The following GRIK2 variants were observed in gnomAD, a reference collection of about 807,000 sequenced individuals.
GRIK2 encodes glutamate ionotropic receptor kainate type subunit 2.
GRIK2 carries 32 observed loss-of-function variants against 100.3 expected under a neutral mutation model. That is an observed-to-expected ratio of 0.32 (90% CI 0.24 to 0.43). The LOEUF (loss-of-function observed/expected upper bound fraction) is 0.43, where lower values mean the gene tolerates loss of function less well. Ranked by LOEUF, GRIK2 falls within the 20% of genes least tolerant of loss-of-function variation. The pLI is 1.00. For synonymous variants in GRIK2, 417 were observed against 389.4 expected, an observed-to-expected ratio of 1.07 and a Z score of -0.83; for missense variants, 843 against 1,114.9, an observed-to-expected ratio of 0.76 and a Z score of 3.47.
intron 15 of GRIK2, among the ~76,000 whole-genome samples, chr6:102,052,150 C>T (rs1212482161): frequency 6.6e-6 from 1 of 152,144 alleles, no homozygotes; most frequent in African/African-American, 2.4e-5. Context: ...CATTTGACTT[C>T]AGCTGGCATA....
At chr6:101,924,264 C>T (rs1339982264) in intron 12 of GRIK2, among the ~76,000 whole-genome samples, 1 of 152,038 alleles carries the variant, frequency 6.6e-6, no homozygotes, top group Non-Finnish European at 1.5e-5. Flanking sequence ...TTGTTTTCTA[C>T]TTTAATGACT....
chr6:101,719,018 C>G (rs146265328), intron 7 of GRIK2, among the ~76,000 whole-genome samples: 22 of 151,862 alleles, frequency 1.4e-4, no homozygotes, highest in Middle Eastern at 3.4e-3. Flanking sequence ...TCCATCTTCT[C>G]TTTCTCAAAT....
intron 7 of GRIK2, among the ~76,000 whole-genome samples, chr6:101,714,464 TA>T (rs144928990): frequency 6.6e-5 from 10 of 151,320 alleles, no homozygotes; most frequent in East Asian, 2.0e-4. Flanking sequence ...CTTTTGAGCT[TA>T]AAAAAAATAG....
intron 2 of GRIK2, among the ~76,000 whole-genome samples, chr6:101,576,019 T>C (rs1236956443): frequency 6.6e-6 from 1 of 152,080 alleles, no homozygotes; most frequent in Non-Finnish European, 1.5e-5. Flanking sequence ...CTAGAATTTG[T>C]GTATTTAATA....
chr6:101,518,049 A>C (rs182375924), intron 2 of GRIK2, among the ~76,000 whole-genome samples: 199 of 152,226 alleles, frequency 1.3e-3, no homozygotes, highest in Non-Finnish European at 2.3e-3. Flanking sequence ...TTTAAACATG[A>C]AAAATAACTT....
chr6:101,803,869 C>T (rs1780822993), intron 9 of GRIK2, among the ~76,000 whole-genome samples: 1 of 151,840 alleles, frequency 6.6e-6, no homozygotes, highest in Non-Finnish European at 1.5e-5. Context: ...TTATCAAGTA[C>T]ATATGATGAT....
chr6:101,480,936 C>A (rs574096476), intron 2 of GRIK2, among the ~76,000 whole-genome samples: 29 of 152,152 alleles, frequency 1.9e-4, no homozygotes, highest in Admixed American at 7.9e-4. Context: ...TGTAAGTAAG[C>A]AAAATGGGGA....
At chr6:101,878,371 T>C (rs1786017989) in intron 11 of GRIK2, among the ~76,000 whole-genome samples, 1 of 151,356 alleles carries the variant, frequency 6.6e-6, no homozygotes, top group Non-Finnish European at 1.5e-5. Flanking sequence ...CTAGTGCATA[T>C]AAAATTAGAG....
intron 2 of GRIK2, among the ~76,000 whole-genome samples, chr6:101,558,681 T>TC (rs34032271): frequency 6.6e-6 from 1 of 151,490 alleles, no homozygotes; most frequent in East Asian, 1.9e-4. Flanking sequence ...TTTTTTTTTT[T>TC]CTATGTTGAC....
rs1307140031 is a variant in GRIK2 at position 102,065,843 on chromosome 6, T to A, written c.2563-2504T>A. 3.3e-6 allele frequency: 5 copies of A among 1,498,738 alleles called. No individual in the cohort carries two copies. In the South Asian group the frequency reaches 5.0e-5, roughly 15 times the overall value. The allele number at this position is 1,498,738 out of a possible 1,614,324, so 92.8% of individuals were successfully genotyped here. ...CAAGACTATGTATTCCTCCCTATTT[T>A]GGAGTCAGTTTCCATTTCTACAGTG... On this transcript the variant is annotated intron_variant, in intron 16 of 16. Transcript: ENST00000369134.
At position 101,836,451 on chromosome 6, in the gene GRIK2, A is replaced by G. The variant is rs551068748; in HGVS notation, c.1317+17968A>G. 2.1e-3 allele frequency among the ~76,000 whole-genome samples: 307 copies of G among 147,464 alleles called. 3 individuals are homozygous for G. The highest frequency in any genetic ancestry group is 7.4e-3 in the African/African-American group (288 of 38,688). On this transcript the variant is annotated intron_variant, in intron 10 of 16. Coordinates refer to ENST00000369134, the MANE Select transcript of GRIK2 (RefSeq NM_021956.5). ...TATTTAAAAACGTAAAATATCTTAA[A>G]TTTATATTGATTACATGTTGAAATG...
Position 102,042,575 on chromosome 6 carries a change from A to C in GRIK2, c.2311+7009A>C, listed in dbSNP as rs372171073. Among the ~76,000 whole-genome samples the C allele has an allele frequency of 5.9e-5, 9 of 151,644 alleles. No homozygotes were observed. In the South Asian group the frequency reaches 1.2e-3, roughly 21 times the overall value. On this transcript the variant is annotated intron_variant, in intron 15 of 16. Transcript: ENST00000369134. ...GATGGGTAGTTCACTGTCTTGAAAAAGATATATTTTTTTCTTCCAATTTTA... is the reference window on the plus strand; with the variant it reads ...GATGGGTAGTTCACTGTCTTGAAAACGATATATTTTTTTCTTCCAATTTTA...
At chr6:102,036,558 A>G (rs1267781008) in intron 15 of GRIK2, among the ~76,000 whole-genome samples, 1 of 151,134 alleles carries the variant, frequency 6.6e-6, no homozygotes, top group Non-Finnish European at 1.5e-5. Context: ...CGATGTGATT[A>G]TGACAGGGAT....
Position 101,928,422 on chromosome 6 carries a change from G to A in GRIK2, c.1875G>A (p.Glu625=). ...GVGALMQQGS[E]LMPKALSTRI... Reference sequence around the variant, plus strand: ...TCCCCCACTCTCTGTTAGGTTCTGAGCTCATGCCCAAAGCACTGTCCACCA... The same window carrying A: ...TCCCCCACTCTCTGTTAGGTTCTGAACTCATGCCCAAAGCACTGTCCACCA... Residue 625 remains glutamate (E), a synonymous_variant, in exon 14 of 17, where the codon GAG becomes GAA. Transcript: ENST00000369134. 14 of 1,564,244 alleles carry A rather than the reference G, an allele frequency of 9.0e-6. No individual in the cohort carries two copies. Among genetic ancestry groups the A allele is most frequent in the Non-Finnish European group, 1.1e-5 (13 of 1,134,720 alleles).
intron 2 of GRIK2, among the ~76,000 whole-genome samples, chr6:101,490,639 A>C (rs1190597886): frequency 6.8e-6 from 1 of 146,652 alleles, no homozygotes; most frequent in African/African-American, 2.6e-5. Flanking sequence ...AATGTTGATA[A>C]AAGGTATCGT....
At chr6:101,696,749 G>A (rs951714211) in intron 7 of GRIK2, among the ~76,000 whole-genome samples, 3 of 151,860 alleles carry the variant, frequency 2.0e-5, no homozygotes, top group Non-Finnish European at 4.4e-5. Context: ...GAATAGGCAG[G>A]TTATATATAG....
intron 2 of GRIK2, among the ~76,000 whole-genome samples, chr6:101,517,420 A>G (rs1774641203): frequency 6.6e-6 from 1 of 152,168 alleles, no homozygotes; most frequent in Non-Finnish European, 1.5e-5. Flanking sequence ...AGAGCGAAGG[A>G]CCGTAGACTA....
chr6:101,799,282 TG>T (rs1461334211), intron 7 of GRIK2, among the ~76,000 whole-genome samples: 47 of 148,444 alleles, frequency 3.2e-4, no homozygotes, highest in African/African-American at 1.1e-3. Context: ...ACTCATTGTG[TG>T]TGTGTGTGTG....
intron 2 of GRIK2, among the ~76,000 whole-genome samples, chr6:101,514,258 A>T (rs1437094055): frequency 6.6e-6 from 1 of 151,830 alleles, no homozygotes; most frequent in East Asian, 1.9e-4. Context: ...TGAATCATAG[A>T]CACAAGTGAT....
Sources: gnomAD v4.1 joint callset for allele counts (sites outside exome capture counted in the v4.1 genomes callset) on GRCh38, gnomAD v4.1.1 for gene constraint, MANE v1.5 for transcripts, NCBI Gene and HGNC (gene_info 2026-07-23, HGNC 2026-07-21) for gene names.